The following YKT6 variants were observed in gnomAD, a reference collection of about 807,000 sequenced individuals.
YKT6 encodes synaptobrevin homolog YKT6.
Under a neutral mutation model 29.3 loss-of-function variants are expected in YKT6, and 12 were observed. The observed-to-expected ratio is 0.41, with a 90% CI of 0.26 to 0.66. The LOEUF is 0.66. Among genes scored for constraint, YKT6 ranks in the 30% least tolerant of loss-of-function variants. The probability of loss-of-function intolerance (pLI) is 0.32; values close to 1 mark genes in which losing one functional copy is unlikely to be tolerated. For missense variants in YKT6, 188 were observed against 243.8 expected (o/e 0.77, Z 1.52); for synonymous variants, 86 against 94.3 (o/e 0.91, Z 0.51).
intron 1 of YKT6, among the ~76,000 whole-genome samples, chr7:44,204,246 C>T (rs2096338641): frequency 6.6e-6 from 1 of 152,188 alleles, no homozygotes; most frequent in Non-Finnish European, 1.5e-5. Context: ...GAGAGCAGGA[C>T]CTGCCTCTTG....
chr7:44,211,147 CTCCTGGGTGT>C, intron 6 of YKT6, 23 bp downstream of exon 6: 2 of 1,602,600 alleles, frequency 1.2e-6, no homozygotes, highest in Admixed American at 1.7e-5. Flanking sequence ...CACCTGCTGC[CTCCTGGGTGT>C]TCTCTCTAGA....
rs1347582518 is a variant in YKT6, at chr7:44,211,571, A to T, written c.561+447A>T. ...TTTGACAGAAAATATTTAATTGACAAGGATGGGTGCTGCTGACTGCCGCTT... is the reference window on the plus strand; with the variant it reads ...TTTGACAGAAAATATTTAATTGACATGGATGGGTGCTGCTGACTGCCGCTT... On this transcript the variant is annotated intron_variant, in intron 6 of 6. Transcript: ENST00000223369. 8.9e-6 allele frequency: 9 copies of T among 1,015,170 alleles called. No individual in the cohort carries two copies. The East Asian group carries it at 8.0e-4, about 90-fold the overall frequency. 62.9% of individuals were successfully genotyped at this position (1,015,170 alleles called of 1,614,324 possible).
intron 5 of YKT6, chr7:44,208,723 C>G (rs2096343550): frequency 6.6e-6 from 1 of 152,498 alleles, no homozygotes; most frequent in South Asian, 2.1e-4. Flanking sequence ...TGATTTGTAA[C>G]TGTTGCTTCA....
intron 1 of YKT6, among the ~76,000 whole-genome samples, chr7:44,203,294 A>G (rs1443793084): frequency 6.6e-6 from 1 of 152,032 alleles, no homozygotes; most frequent in Non-Finnish European, 1.5e-5. Context: ...GGGTTTTACC[A>G]TGTTAGCCAG....
At chr7:44,204,511 C>G in intron 1 of YKT6, 57 bp from the exon 2 acceptor site, 2 of 1,572,404 alleles carry the variant, frequency 1.3e-6, no homozygotes, top group South Asian at 2.3e-5. Flanking sequence ...TCACTTTCCA[C>G]TGTGTTGGGG....
intron 1 of YKT6, among the ~76,000 whole-genome samples, chr7:44,201,901 G>C (rs762911241): frequency 6.6e-6 from 1 of 152,188 alleles, no homozygotes; most frequent in South Asian, 2.1e-4. Flanking sequence ...TTTTTAGTTG[G>C]ACACTAGTGG....
intron 3 of YKT6, 67 bp from the exon 4 acceptor site, chr7:44,207,321 A>G (rs1299919671): frequency 7.1e-7 from 1 of 1,418,366 alleles, no homozygotes; most frequent in Admixed American, 1.7e-5. Context: ...TCAGGGGTGA[A>G]GCCCTGTCAT....
chr7:44,204,378 C>T (rs915616387), intron 1 of YKT6, among the ~76,000 whole-genome samples, 190 bp from the exon 2 acceptor site: 2 of 152,160 alleles, frequency 1.3e-5, no homozygotes, highest in Admixed American at 6.5e-5. Flanking sequence ...ATGGAGCTTT[C>T]ATGGTGATGA....
intron 2 of YKT6, 79 bp from the exon 3 acceptor site, chr7:44,206,306 A>G (rs1279439661): frequency 2.1e-6 from 3 of 1,444,144 alleles, no homozygotes; most frequent in Admixed American, 3.5e-5. Context: ...CTAACATTGG[A>G]TGCTTTGATT....
intron 2 of YKT6, among the ~76,000 whole-genome samples, chr7:44,205,990 G>A (rs1347655376): frequency 6.6e-6 from 1 of 152,176 alleles, no homozygotes; most frequent in Non-Finnish European, 1.5e-5. Context: ...GCTTGTCCAG[G>A]GTTCCCTAAG....
intron 3 of YKT6, among the ~76,000 whole-genome samples, chr7:44,206,961 A>G (rs761518549): frequency 3.9e-5 from 6 of 152,194 alleles, no homozygotes; most frequent in Non-Finnish European, 8.8e-5. Flanking sequence ...CAGAGGCTTC[A>G]TCCTATACCC....
chr7:44,210,433 G>A (rs561214949), intron 5 of YKT6, among the ~76,000 whole-genome samples: 7 of 152,222 alleles, frequency 4.6e-5, no homozygotes, highest in East Asian at 1.9e-4. Flanking sequence ...GTGTGTTTCC[G>A]TTTCTTACCA....
intron 5 of YKT6, 129 bp downstream of exon 5, chr7:44,208,327 GCCCA>G: frequency 3.1e-6 from 3 of 974,420 alleles, no homozygotes; most frequent in Non-Finnish European, 4.7e-6. Context: ...AAGTGGGATT[GCCCA>G]CCCCTTCCCC....
intron 6 of YKT6, 139 bp from the exon 7 acceptor site, chr7:44,212,108 C>G: frequency 5.0e-6 from 5 of 995,434 alleles, no homozygotes; most frequent in Non-Finnish European, 7.6e-6. Flanking sequence ...CCCTCAAGGC[C>G]TCCACCCCCA....
rs2096348450 is a variant in YKT6, at chr7:44,212,916, C to G, written c.*634C>G. The G allele has an allele frequency of 6.6e-6, 1 of 152,282 alleles. No homozygotes were observed. The highest frequency in any genetic ancestry group is 2.4e-5 in the African/African-American group (1 of 41,462). 9.4% of individuals were successfully genotyped at this position (152,282 alleles called of 1,614,324 possible). On this transcript the variant is annotated 3_prime_UTR_variant, in exon 7 of 7. Coordinates refer to ENST00000223369, the MANE Select transcript of YKT6 (RefSeq NM_006555.4). Reference sequence around the variant, plus strand: ...GATTGGCTTCCCGCAGAGGGCAGGGCCCATCCTAAGCAGCTTCCAAGTCCC... The same window carrying G: ...GATTGGCTTCCCGCAGAGGGCAGGGGCCATCCTAAGCAGCTTCCAAGTCCC...
intron 5 of YKT6, among the ~76,000 whole-genome samples, chr7:44,209,637 C>T (rs928789622): frequency 1.3e-5 from 2 of 152,214 alleles, no homozygotes; most frequent in Admixed American, 6.5e-5. Context: ...AAATTTGAGT[C>T]GCTCAGCTGT....
intron 4 of YKT6, 114 bp from the exon 5 acceptor site, chr7:44,208,019 C>T (rs983222574): frequency 1.2e-5 from 14 of 1,122,782 alleles, no homozygotes; most frequent in African/African-American, 7.8e-5. Context: ...CCACTGTGCC[C>T]GGCCCAGGCT....
chr7:44,208,267 C>G, intron 5 of YKT6, 69 bp downstream of exon 5: 2 of 1,525,866 alleles, frequency 1.3e-6, no homozygotes, highest in South Asian at 1.1e-5. Flanking sequence ...GCCAGGCATG[C>G]ACAGATCCAT....
intron 3 of YKT6, among the ~76,000 whole-genome samples, 175 bp downstream of exon 3, chr7:44,206,660 G>A (rs1432213492): frequency 1.3e-5 from 2 of 152,174 alleles, no homozygotes; most frequent in Non-Finnish European, 2.9e-5. Context: ...ATCCCTGTAT[G>A]GGTTTCCTCC....
Sources: gnomAD v4.1 joint callset for allele counts (sites outside exome capture counted in the v4.1 genomes callset) on GRCh38, gnomAD v4.1.1 for gene constraint, MANE v1.5 for transcripts, NCBI Gene and HGNC (gene_info 2026-07-23, HGNC 2026-07-21) for gene names.